Variants in MAMDC4 observed in about 807,000 individuals in gnomAD.
MAMDC4 encodes apical endosomal glycoprotein.
In MAMDC4, 168 loss-of-function variants were observed where a neutral mutation model predicts 153.3. That is an observed-to-expected ratio of 1.10 (90% confidence interval 0.97 to 1.25). The LOEUF (loss-of-function observed/expected upper bound fraction) is 1.25. Ranked by LOEUF, MAMDC4 falls within the 50% of genes most tolerant of loss-of-function variation. The pLI, the probability that MAMDC4 is intolerant of heterozygous loss-of-function variation, is 0.00. For missense variants in MAMDC4, 1,701 were observed against 1,542.8 expected, an observed-to-expected ratio of 1.10 and a Z score of -1.72; for synonymous variants, 744 against 651.5, an observed-to-expected ratio of 1.14 and a Z score of -2.16.
At position 136,857,501 on chromosome 9, in the gene MAMDC4, C is replaced by G; in HGVS notation, c.2241C>G (p.Gly747=). 6.2e-7 allele frequency: 1 copy of G among 1,610,234 alleles called. No homozygotes were observed. Among genetic ancestry groups the G allele is most frequent in the South Asian group, 1.1e-5 (1 of 91,088 alleles). The part of the protein sequence containing the change: ...EDSDCGFSPG[G]QGLWRRQANA... ...CAGACTGCGGCTTCTCCCCTGGAGG[C>G]CAAGGTCTCTGGAGGCGGCAGGCCA... The change falls in exon 18 of 27, where the codon GGC becomes GGG. Residue 747 remains glycine (G), a synonymous_variant. Coordinates refer to ENST00000317446, the MANE Select transcript of MAMDC4 (RefSeq NM_206920.3).
At chr9:136,860,407 A>G (rs1011581958) in intron 26 of MAMDC4, among the ~76,000 whole-genome samples, 155 bp from the exon 27 acceptor site, 2 of 152,118 alleles carry the variant, frequency 1.3e-5, no homozygotes, top group African/African-American at 2.4e-5. Context: ...TGTAATCCCA[A>G]CTACTCGGGA....
intron 12 of MAMDC4, 39 bp from the exon 13 acceptor site, chr9:136,855,684 GCTGAGGACT>G (rs768204341): frequency 1.2e-5 from 19 of 1,569,892 alleles, no homozygotes; most frequent in South Asian, 4.7e-5. Context: ...GCCGGGGCAG[GCTGAGGACT>G]CTGAGGACTC....
At chr9:136,855,896 C>T (rs374352025) in intron 13 of MAMDC4, 48 bp downstream of exon 13, 19 of 1,480,416 alleles carry the variant, frequency 1.3e-5, no homozygotes, top group Non-Finnish European at 1.4e-5. Context: ...GTGTGAGCAG[C>T]GTCCTCAGAG....
chr9:136,859,660 G>C, intron 25 of MAMDC4: 1 of 603,430 alleles, frequency 1.7e-6, no homozygotes, highest in Non-Finnish European at 2.9e-6. Context: ...CTTGGTGAGG[G>C]AAAGAATCTC....
intron 4 of MAMDC4, 24 bp from the exon 5 acceptor site, chr9:136,853,753 G>A (rs527912043): frequency 1.9e-6 from 3 of 1,607,212 alleles, no homozygotes; most frequent in African/African-American, 1.3e-5. Flanking sequence ...GGCCGCAGCT[G>A]CCCTGGGACC....
intron 1 of MAMDC4, 39 bp from the exon 2 acceptor site, chr9:136,853,063 C>A (rs779411923): frequency 1.9e-6 from 3 of 1,579,748 alleles, no homozygotes; most frequent in Non-Finnish European, 1.7e-6. Flanking sequence ...TGGCTGGTCA[C>A]CCTGCCCCCA....
intron 26 of MAMDC4, 78 bp downstream of exon 26, chr9:136,860,142 C>T: frequency 1.4e-6 from 2 of 1,443,714 alleles, no homozygotes; most frequent in Non-Finnish European, 9.2e-7. Context: ...TGGCGGGACA[C>T]AACCCCCCGG....
In MAMDC4 at chr9:136,858,232, C is replaced by T. The variant is rs1378488196; in HGVS notation, c.2630C>T (p.Ala877Val). ...GCAGGCGTGGCACACTCCTACGTGG[C>T]TCTGGATGATCTGCTCCTCCAGGAC... Reference protein sequence around the residue: ...VAAGVAHSYVALDDLLLQDGP... With the variant: ...VAAGVAHSYVVLDDLLLQDGP... Residue 877 changes from alanine to valine, a missense_variant, in exon 21 of 27, where the codon GCT (alanine) becomes GTT (valine). Physicochemically the swap from Ala to Val is moderately conservative, Grantham distance 64. Transcript: ENST00000317446. The T allele has an allele frequency of 1.2e-6, 2 of 1,601,648 alleles. No individual in the cohort carries two copies. Among genetic ancestry groups the T allele is most frequent in the East Asian group, 4.5e-5 (2 of 44,648 alleles).
At chr9:136,857,074 G>C in intron 16 of MAMDC4, 33 bp downstream of exon 16, 2 of 1,604,488 alleles carry the variant, frequency 1.2e-6, no homozygotes, top group South Asian at 1.1e-5. Flanking sequence ...CAGAGCCTGT[G>C]GGGAGGCCCC....
chr9:136,854,717 AG>A, intron 8 of MAMDC4, 41 bp downstream of exon 8: 1 of 1,612,238 alleles, frequency 6.2e-7, no homozygotes, highest in Non-Finnish European at 8.5e-7. Flanking sequence ...CTGCCCACGC[AG>A]CCACAGCCCA....
Position 136,854,086 on chromosome 9 carries a change from C to T in MAMDC4, c.670+10C>T, listed in dbSNP as rs369620944. On this transcript the variant is annotated intron_variant, in intron 6 of 26. Coordinates refer to ENST00000317446, the MANE Select transcript of MAMDC4 (RefSeq NM_206920.3). The stretch of plus-strand genomic sequence containing the variant: ...GACTGTGGTCTGCCCAGTAAGGCAC[C>T]GCCTCTTCCTGTTCCACCCCCGGGA... The T allele has an allele frequency of 2.0e-4, 320 of 1,612,438 alleles. No individual in the cohort carries two copies. The African/African-American group carries it at 3.3e-3, about 17-fold the overall frequency.
rs1158524638 is a variant in MAMDC4 at position 136,858,177 on chromosome 9, A to G, written c.2584-9A>G. 1.9e-6 allele frequency: 3 copies of G among 1,572,082 alleles called. No homozygotes were observed. Among genetic ancestry groups the G allele is most frequent in the Non-Finnish European group, 8.6e-7 (1 of 1,164,774 alleles). ...ACCCGCTGAGGCTGCCCTGCCCTGC[A>G]CCCGCCAGGTGGTGTTTGAGGCAGT... On this transcript the variant is annotated splice_polypyrimidine_tract_variant and intron_variant, in intron 20 of 26. Coordinates refer to ENST00000317446, the MANE Select transcript of MAMDC4 (RefSeq NM_206920.3).
Position 136,857,407 on chromosome 9 carries a change from T to C in MAMDC4, c.2147T>C (p.Met716Thr), listed in dbSNP as rs1373876543. ...CTCCGGGACGGATACCACGGCACCA[T>C]GGCGCTGGACGATGTGGCCGTGCGG... ...EGLRDGYHGT[M>T]ALDDVAVRPG... The change falls in exon 18 of 27, where the codon ATG becomes ACG. Residue 716 changes from methionine (M) to threonine (T), a missense_variant. By Grantham distance (81) the Met-to-Thr change is moderately conservative (BLOSUM62 -1). Transcript: ENST00000317446. The C allele has an allele frequency of 6.2e-7, 1 of 1,608,210 alleles. No individual in the cohort carries two copies. Among genetic ancestry groups the C allele is most frequent in the Admixed American group, 1.7e-5 (1 of 60,016 alleles).
At position 136,855,323 on chromosome 9, in the gene MAMDC4, T is replaced by C. The variant is rs759722809; in HGVS notation, c.1267T>C (p.Cys423Arg). ...GLDDLILSDH[C>R]RPVSEVSTLQ... ...GGACGACCTCATCCTGTCTGACCACTGCAGACCAGTCTCGGGTGAGCCTGC... is the reference window on the plus strand; with the variant it reads ...GGACGACCTCATCCTGTCTGACCACCGCAGACCAGTCTCGGGTGAGCCTGC... The change falls in exon 11 of 27, where the codon TGC becomes CGC. Residue 423 changes from cysteine (C) to arginine (R), a missense_variant. Physicochemically the swap from Cys to Arg is radical, Grantham distance 180 (BLOSUM62 -3). Coordinates refer to ENST00000317446, the MANE Select transcript of MAMDC4 (RefSeq NM_206920.3). The C allele has an allele frequency of 6.2e-7, 1 of 1,606,814 alleles. No individual in the cohort carries two copies. Among genetic ancestry groups the C allele is most frequent in the Non-Finnish European group, 8.5e-7 (1 of 1,176,514 alleles).
chr9:136,855,061 C>T lies in MAMDC4; in HGVS notation c.1148C>T (p.Thr383Ile). Residue 383 changes from threonine to isoleucine, a missense_variant, in exon 10 of 27, where the codon ACC (threonine) becomes ATC (isoleucine). Transcript: ENST00000317446. Reference sequence around the variant, plus strand: ...CGGAGGCGCCGAGGGGAGCTGGGGACCGCCTGGGTCCGAGACCGTGTTGAC... The same window carrying T: ...CGGAGGCGCCGAGGGGAGCTGGGGATCGCCTGGGTCCGAGACCGTGTTGAC... ...LLRRRRGELG[T>I]AWVRDRVDIQ... is the part of the protein sequence containing the mutation. The T allele has an allele frequency of 2.5e-6, 4 of 1,601,964 alleles. No individual in the cohort carries two copies. The highest frequency in any genetic ancestry group is 3.4e-6 in the Non-Finnish European group (4 of 1,175,292).
Position 136,853,393 on chromosome 9 carries a change from A to T in MAMDC4, c.263A>T (p.Asp88Val). 6.2e-7 allele frequency: 1 copy of T among 1,605,702 alleles called. No individual in the cohort carries two copies. Among genetic ancestry groups the T allele is most frequent in the Non-Finnish European group, 8.5e-7 (1 of 1,174,552 alleles). ...ACCTCAGGCTACAGCTGGCTCCGAG[A>T]CAGGGCAGGGGCCGCACTGGAGGGT... ...ISTSGYSWLR[D>V]RAGAALEGPG... The change falls in exon 3 of 27, where the codon GAC (aspartate) becomes GTC (valine). Residue 88 changes from aspartate to valine, a missense_variant. Asp to Val is a radical substitution (Grantham distance 152). Transcript: ENST00000317446.
rs530112334 is a variant in MAMDC4 at position 136,859,598 on chromosome 9, T to G, written c.3193+281T>G. 29 of 590,818 alleles carry G rather than the reference T, an allele frequency of 4.9e-5. No homozygotes were observed. The South Asian group carries it at 5.8e-4, about 12-fold the overall frequency. The allele number at this position is 590,818 out of a possible 1,614,324, so 36.6% of individuals were successfully genotyped here. A position where few individuals can be genotyped will look rare whatever the true frequency, so the allele number is the denominator to read the frequency against. On this transcript the variant is annotated intron_variant, in intron 25 of 26. Transcript: ENST00000317446. ...CCCTGTGCCCACACCCAGGGCAAGG[T>G]CCATCCTGGAGGAACCGCCAGCCGG...
Position 136,856,019 on chromosome 9 carries a change from G to C in MAMDC4, c.1590G>C (p.Gly530=), listed in dbSNP as rs1848998922. The C allele has an allele frequency of 1.2e-6, 2 of 1,610,110 alleles. No homozygotes were observed. The highest frequency in any genetic ancestry group is 1.7e-6 in the Non-Finnish European group (2 of 1,178,558). ...ESQGSSAAAA[G]HFLSLQRAWG... is the part of the protein sequence containing the mutation. ...CTGAGCACCATGCTCTTCCCCTAGGGCACTTCCTGTCTCTGCAGCGGGCCT... is the reference window on the plus strand; with the variant it reads ...CTGAGCACCATGCTCTTCCCCTAGGCCACTTCCTGTCTCTGCAGCGGGCCT... The change falls in exon 14 of 27, where the codon GGG becomes GGC. Residue 530 remains glycine, a splice_region_variant and synonymous_variant. Coordinates refer to ENST00000317446, the MANE Select transcript of MAMDC4 (RefSeq NM_206920.3).
In MAMDC4 at chr9:136,856,053, C is replaced by A. The variant is rs11791235; in HGVS notation, c.1624C>A (p.Leu542Ile). The change falls in exon 14 of 27, where the codon CTA (leucine) becomes ATA (isoleucine). Residue 542 changes from leucine to isoleucine, a missense_variant. By Grantham distance (5) the Leu-to-Ile change is conservative (BLOSUM62 2). Coordinates refer to ENST00000317446, the MANE Select transcript of MAMDC4 (RefSeq NM_206920.3). ...GTCTCTGCAGCGGGCCTGGGGGCAGCTAGGCGCTGAGGCCCGGGTCCTCAC... is the reference window on the plus strand; with the variant it reads ...GTCTCTGCAGCGGGCCTGGGGGCAGATAGGCGCTGAGGCCCGGGTCCTCAC... ...FLSLQRAWGQ[L>I]GAEARVLTPL... 3.1e-6 allele frequency: 5 copies of A among 1,612,360 alleles called. No homozygotes were observed. The highest frequency in any genetic ancestry group is 4.2e-6 in the Non-Finnish European group (5 of 1,179,826).
Sources: allele counts gnomAD v4.1 joint callset (sites outside exome capture counted in the v4.1 genomes callset), GRCh38; gene constraint gnomAD v4.1.1; transcripts MANE v1.5; gene names NCBI Gene and HGNC (gene_info 2026-07-23, HGNC 2026-07-21).